PHF21B: variants seen among roughly 807,000 people sequenced by gnomAD.
PHF21B encodes PHD finger protein 4.
In PHF21B, 22 loss-of-function variants were observed where a neutral mutation model predicts 62.2. The ratio of observed to expected loss-of-function variants is 0.35; its 90% CI spans 0.25 to 0.51. The LOEUF is 0.51. PHF21B is among the 20% of genes least tolerant of loss of function. The pLI, the probability that PHF21B is intolerant of heterozygous loss-of-function variation, is 0.97. For synonymous variants in PHF21B, 341 were observed against 314.7 expected (o/e 1.08, Z -0.88); for missense variants, 701 against 707.9 (o/e 0.99, Z 0.11).
chr22:45,006,579 A>G (rs2147546759), intron 2 of PHF21B, among the ~76,000 whole-genome samples: 2 of 152,348 alleles, frequency 1.3e-5, no homozygotes, highest in East Asian at 3.9e-4. Context: ...TACTATCATC[A>G]TAAAAATTTA....
At chr22:44,940,496 G>C (rs1488066805) in intron 2 of PHF21B, among the ~76,000 whole-genome samples, 1 of 152,246 alleles carries the variant, frequency 6.6e-6, no homozygotes, top group Non-Finnish European at 1.5e-5. Flanking sequence ...GGGGTCCCAA[G>C]TTATGAGGGA....
Position 44,884,206 on chromosome 22 carries a change from CCAA to C in PHF21B, c.1378-905_1378-903del, listed in dbSNP as rs1443999913. Among the ~76,000 whole-genome samples the C allele has an allele frequency of 5.8e-4, 86 of 148,206 alleles. 1 individual carries two copies. The highest frequency in any genetic ancestry group is 3.6e-3 in the Middle Eastern group (1 of 276). On this transcript the variant is annotated intron_variant, in intron 12 of 12. Coordinates refer to ENST00000313237, the MANE Select transcript of PHF21B (RefSeq NM_138415.5). Reference sequence around the variant, plus strand: ...ATTACCACCATCACCACCACGATCACCAACGTCACCACCACCACCACCACTGTG... The same window carrying C: ...ATTACCACCATCACCACCACGATCACCGTCACCACCACCACCACCACTGTG...
In PHF21B at chr22:44,974,533, T is replaced by G. The variant is rs150308963; in HGVS notation, c.120+34012A>C. Among the ~76,000 whole-genome samples, 15 of 152,268 alleles carry G rather than the reference T, an allele frequency of 9.9e-5. No homozygotes were observed. In the East Asian group the frequency reaches 2.9e-3, roughly 29 times the overall value. On this transcript the variant is annotated intron_variant, in intron 2 of 12. Coordinates refer to ENST00000313237, the MANE Select transcript of PHF21B (RefSeq NM_138415.5). ...ATACCCACATGTGTTGGTACCACCC[T>G]GCACAAAGTCCTACATCCGTGCAGC... is the stretch of plus-strand genomic sequence containing the variant.
intron 2 of PHF21B, among the ~76,000 whole-genome samples, chr22:44,921,359 CT>C (rs11309607): frequency 0.51 from 74,293 of 146,870 alleles, 19,034 homozygotes; most frequent in East Asian, 0.67. Context: ...CGGAACAGTT[CT>C]TTTTTTTTTT....
Position 44,916,375 on chromosome 22 carries a change from G to C in PHF21B, c.469C>G (p.Pro157Ala), listed in dbSNP as rs1287701047. 5.0e-6 allele frequency: 8 copies of C among 1,592,264 alleles called. No homozygotes were observed. Among genetic ancestry groups the C allele is most frequent in the African/African-American group, 1.4e-5 (1 of 74,042 alleles). Residue 157 changes from proline to alanine, a missense_variant, in exon 4 of 13, where the codon CCC (proline) becomes GCC (alanine). By Grantham distance (27) the Pro-to-Ala change is conservative (BLOSUM62 -1). Transcript: ENST00000313237. ...GGGGCCATGGCGGCGGCATTGCTGG[G>C]GGAGGTGGAGATGATGGCGTAGGCC... ...GVAYAIISTSPSNAAAMAPST... is the reference protein window; with the variant it reads ...GVAYAIISTSASNAAAMAPST...
intron 3 of PHF21B, among the ~76,000 whole-genome samples, chr22:44,917,439 G>A (rs781616207): frequency 2.6e-5 from 4 of 152,140 alleles, no homozygotes; most frequent in Non-Finnish European, 4.4e-5. Context: ...CACCACCACT[G>A]ACCCCATGCA....
chr22:44,970,283 G>C (rs1032591484), intron 2 of PHF21B, among the ~76,000 whole-genome samples: 1 of 152,250 alleles, frequency 6.6e-6, no homozygotes, highest in Admixed American at 6.5e-5. Context: ...AGAAGGGCAG[G>C]GGGGAATCTT....
chr22:44,986,862 G>C (rs1260688377), intron 2 of PHF21B, among the ~76,000 whole-genome samples: 2 of 151,552 alleles, frequency 1.3e-5, no homozygotes, highest in East Asian at 3.9e-4. Flanking sequence ...TCCTGGAGGT[G>C]GGGGGAAGGC....
chr22:44,911,679 T>C (rs1370362458), intron 5 of PHF21B, among the ~76,000 whole-genome samples: 2 of 152,242 alleles, frequency 1.3e-5, no homozygotes, highest in Non-Finnish European at 2.9e-5. Flanking sequence ...TGCTTGGATA[T>C]ACAGGCAGAA....
intron 2 of PHF21B, among the ~76,000 whole-genome samples, chr22:44,974,367 T>C (rs1286860405): frequency 1.3e-5 from 2 of 150,130 alleles, no homozygotes; most frequent in Non-Finnish European, 3.0e-5. Context: ...TGAGCCATGA[T>C]CGCACCACTG....
Position 44,959,356 on chromosome 22 carries a change from C to T in PHF21B, c.121-38866G>A, listed in dbSNP as rs765251198. Among the ~76,000 whole-genome samples the T allele has an allele frequency of 8.5e-5, 13 of 152,222 alleles. 1 individual carries two copies. The highest frequency in any genetic ancestry group is 1.5e-4 in the Non-Finnish European group (10 of 68,052). On this transcript the variant is annotated intron_variant, in intron 2 of 12. Coordinates refer to ENST00000313237, the MANE Select transcript of PHF21B (RefSeq NM_138415.5). ...CTACGGGACTTATCACATTTCTGGG[C>T]CTCTTTGTGCCTTGCTCTTGTGTGG...
intron 2 of PHF21B, among the ~76,000 whole-genome samples, chr22:44,936,524 G>A (rs964851956): frequency 6.6e-6 from 1 of 152,188 alleles, no homozygotes; most frequent in African/African-American, 2.4e-5. Context: ...ACCGCCTCCT[G>A]CCATCCGTTA....
intron 3 of PHF21B, among the ~76,000 whole-genome samples, chr22:44,920,115 A>G (rs975512881): frequency 6.6e-6 from 1 of 152,258 alleles, no homozygotes; most frequent in South Asian, 2.1e-4. Context: ...GCATATCTTG[A>G]TATTTCCATT....
intron 2 of PHF21B, chr22:44,971,050 G>A (rs1276666536): frequency 6.6e-6 from 1 of 152,292 alleles, no homozygotes; most frequent in African/African-American, 2.4e-5. Flanking sequence ...AGCAGAGCAT[G>A]AGGACTCGCC....
intron 2 of PHF21B, among the ~76,000 whole-genome samples, chr22:44,976,149 C>T (rs1353250872): frequency 6.6e-6 from 1 of 152,118 alleles, no homozygotes; most frequent in Admixed American, 6.5e-5. Context: ...CTAGCCTGGG[C>T]GACAGAGCAA....
chr22:44,941,254 T>C (rs1029988732), intron 2 of PHF21B, among the ~76,000 whole-genome samples: 1 of 152,120 alleles, frequency 6.6e-6, no homozygotes, highest in Admixed American at 6.5e-5. Flanking sequence ...TCCAGAGACC[T>C]CCAGAGGTCC....
intron 2 of PHF21B, among the ~76,000 whole-genome samples, chr22:44,992,892 AC>A (rs2073064179): frequency 6.6e-6 from 1 of 152,008 alleles, no homozygotes; most frequent in South Asian, 2.1e-4. Context: ...CAGCCTTGCA[AC>A]CCCGCTATAA....
At chr22:45,008,146 C>G (rs981925579) in intron 2 of PHF21B, 4 of 165,926 alleles carry the variant, frequency 2.4e-5, no homozygotes, top group Non-Finnish European at 5.2e-5. Flanking sequence ...GCCACGGAAC[C>G]CAGAAATCGC....
intron 2 of PHF21B, among the ~76,000 whole-genome samples, chr22:45,005,130 T>G (rs1324493089): frequency 6.6e-6 from 1 of 152,270 alleles, no homozygotes; most frequent in Non-Finnish European, 1.5e-5. Context: ...AAGGGCTTGT[T>G]GCTTGACAAT....
Sources: gnomAD v4.1 joint callset for allele counts (sites outside exome capture counted in the v4.1 genomes callset) on GRCh38, gnomAD v4.1.1 for gene constraint, MANE v1.5 for transcripts, NCBI Gene and HGNC (gene_info 2026-07-23, HGNC 2026-07-21) for gene names.